The following LRRC4C variants were observed in gnomAD, a reference collection of about 807,000 sequenced individuals.
LRRC4C encodes the protein leucine-rich repeat-containing protein 4C.
In LRRC4C, 5 loss-of-function variants were observed where a neutral mutation model predicts 33.6. That is an observed-to-expected ratio of 0.15 (90% CI 0.08 to 0.31). The LOEUF is 0.31. Ranked by LOEUF, LRRC4C falls within the 10% of genes least tolerant of loss-of-function variation. LRRC4C has a pLI of 1.00. For synonymous variants in LRRC4C, 329 were observed against 302.0 expected (o/e 1.09, Z -0.93); for missense variants, 560 against 796.7 (o/e 0.70, Z 3.58).
intron 4 of LRRC4C, among the ~76,000 whole-genome samples, chr11:40,253,318 A>G (rs531745476): frequency 6.6e-6 from 1 of 152,270 alleles, no homozygotes; most frequent in African/African-American, 2.4e-5. Context: ...TAAAACAATG[A>G]TCTCCTCTTG....
intron 3 of LRRC4C, among the ~76,000 whole-genome samples, chr11:40,532,875 G>T (rs1293554787): frequency 6.6e-6 from 1 of 152,068 alleles, no homozygotes; most frequent in Non-Finnish European, 1.5e-5. Context: ...GAGGCCTCAA[G>T]AAACTTACAA....
chr11:40,848,771 G>A (rs1953329396), intron 2 of LRRC4C, among the ~76,000 whole-genome samples: 1 of 152,040 alleles, frequency 6.6e-6, no homozygotes, highest in African/African-American at 2.4e-5. Context: ...GTTATTGCGT[G>A]GGAGTCTATG....
chr11:40,524,747 G>T (rs1160513766), intron 3 of LRRC4C, among the ~76,000 whole-genome samples: 1 of 152,114 alleles, frequency 6.6e-6, no homozygotes, highest in East Asian at 1.9e-4. Flanking sequence ...GTCTTTATTT[G>T]CACCTTACTA....
chr11:40,193,030 A>C (rs1379384466), intron 5 of LRRC4C, among the ~76,000 whole-genome samples: 1 of 152,246 alleles, frequency 6.6e-6, no homozygotes, highest in Non-Finnish European at 1.5e-5. Flanking sequence ...GTGCAGCTTC[A>C]GCAGACTTAA....
rs577833497 is a variant in LRRC4C, at chr11:40,651,187, T to A, written c.-406-2909A>T. 3.9e-5 allele frequency among the ~76,000 whole-genome samples: 6 copies of A among 152,298 alleles called. No homozygotes were observed. In the South Asian group the frequency reaches 1.2e-3, roughly 32 times the overall value. The stretch of plus-strand genomic sequence containing the variant: ...AGTTTATGAATAAAGTCTTTGTAAA[T>A]TTTTTCTCAGACTTAGTTTTGATCA... On this transcript the variant is annotated intron_variant, in intron 2 of 6. Coordinates refer to ENST00000528697, the MANE Select transcript of LRRC4C (RefSeq NM_001258419.2).
intron 2 of LRRC4C, among the ~76,000 whole-genome samples, chr11:40,810,345 T>A (rs973803890): frequency 6.6e-6 from 1 of 152,198 alleles, no homozygotes; most frequent in Non-Finnish European, 1.5e-5. Context: ...GGTTATCTCC[T>A]TCTCTGTTTA....
intron 3 of LRRC4C, among the ~76,000 whole-genome samples, chr11:40,432,605 C>T (rs191549823): frequency 2.2e-4 from 33 of 152,296 alleles, no homozygotes; most frequent in Non-Finnish European, 4.4e-4. Flanking sequence ...ATTTTGGTTG[C>T]AGGACATTTA....
At chr11:40,611,652 C>T (rs1472247223) in intron 3 of LRRC4C, among the ~76,000 whole-genome samples, 1 of 151,726 alleles carries the variant, frequency 6.6e-6, no homozygotes, top group Non-Finnish European at 1.5e-5. Context: ...GTAAGAAACT[C>T]TTACAATTCA....
At chr11:40,311,853 G>A (rs191499006) in intron 4 of LRRC4C, among the ~76,000 whole-genome samples, 2,867 of 149,958 alleles carry the variant, frequency 0.019, 69 homozygotes, top group Non-Finnish European at 0.023. Flanking sequence ...GCTGAGGCAG[G>A]AGAATTGCTT....
chr11:40,238,456 C>T (rs1304045343), intron 5 of LRRC4C, among the ~76,000 whole-genome samples: 1 of 152,232 alleles, frequency 6.6e-6, no homozygotes, highest in African/African-American at 2.4e-5. Context: ...ACCACAGCCC[C>T]GTTCTGTTTA....
chr11:40,397,865 C>CTTTTCT (rs1227317354), intron 3 of LRRC4C, among the ~76,000 whole-genome samples: 1 of 151,986 alleles, frequency 6.6e-6, no homozygotes, highest in African/African-American at 2.4e-5. Flanking sequence ...AAAATAAGCA[C>CTTTTCT]TTTTATATAG....
chr11:40,416,202 A>G (rs1950318186), intron 3 of LRRC4C, among the ~76,000 whole-genome samples: 1 of 152,170 alleles, frequency 6.6e-6, no homozygotes, highest in African/African-American at 2.4e-5. Flanking sequence ...AAATATTTTC[A>G]TCTTGCACTG....
intron 6 of LRRC4C, among the ~76,000 whole-genome samples, chr11:40,128,786 C>T (rs889220828): frequency 6.6e-6 from 1 of 152,076 alleles, no homozygotes; most frequent in African/African-American, 2.4e-5. Context: ...CAATGTGTAT[C>T]CTTTGATTTT....
At chr11:40,528,968 G>A (rs943744090) in intron 3 of LRRC4C, among the ~76,000 whole-genome samples, 2 of 152,064 alleles carry the variant, frequency 1.3e-5, no homozygotes, top group Non-Finnish European at 2.9e-5. Context: ...CAGAATATAG[G>A]TTACCAGTGT....
intron 1 of LRRC4C, among the ~76,000 whole-genome samples, chr11:41,013,249 T>C (rs917719747): frequency 5.3e-5 from 8 of 152,228 alleles, no homozygotes; most frequent in African/African-American, 1.9e-4. Context: ...TTTTAACATC[T>C]AGTTACTCAT....
chr11:41,121,344 T>C (rs113769450), intron 1 of LRRC4C, among the ~76,000 whole-genome samples: 2 of 152,262 alleles, frequency 1.3e-5, no homozygotes, highest in African/African-American at 4.8e-5. Flanking sequence ...TGATTTGGGG[T>C]AGGCTTGATA....
At chr11:40,448,562 C>T (rs767271912) in intron 3 of LRRC4C, among the ~76,000 whole-genome samples, 26 of 152,098 alleles carry the variant, frequency 1.7e-4, no homozygotes, top group Non-Finnish European at 3.5e-4. Context: ...CATCCATGTC[C>T]CTGCAAAGGA....
At chr11:40,894,006 C>G (rs183674882) in intron 2 of LRRC4C, among the ~76,000 whole-genome samples, 1 of 152,056 alleles carries the variant, frequency 6.6e-6, no homozygotes, top group Non-Finnish European at 1.5e-5. Flanking sequence ...AGATCATAAA[C>G]CTGCATGTTT....
intron 2 of LRRC4C, among the ~76,000 whole-genome samples, chr11:40,680,453 A>T (rs1944628859): frequency 6.6e-6 from 1 of 152,114 alleles, no homozygotes; most frequent in South Asian, 2.1e-4. Flanking sequence ...TCCCCACCCA[A>T]ATCTAATCTT....
Sources: allele counts gnomAD v4.1 joint callset (sites outside exome capture counted in the v4.1 genomes callset), GRCh38; gene constraint gnomAD v4.1.1; transcripts MANE v1.5; gene names NCBI Gene and HGNC (gene_info 2026-07-23, HGNC 2026-07-21).